Variants in DKK3 observed in about 807,000 individuals in gnomAD.
DKK3 encodes dickkopf Wnt signaling pathway inhibitor 3.
In DKK3, 22 loss-of-function variants were observed where a neutral mutation model predicts 33.2. That is an observed-to-expected ratio of 0.66 (90% CI 0.47 to 0.95). The LOEUF is 0.95. Among genes scored for constraint, DKK3 ranks in the 40% least tolerant of loss-of-function variants. The pLI is 0.00. For synonymous variants in DKK3, 194 were observed against 188.8 expected (o/e 1.03, Z -0.23); for missense variants, 398 against 458.4 (o/e 0.87, Z 1.20).
intron 5 of DKK3, 142 bp from the exon 6 acceptor site, chr11:11,966,107 C>G: frequency 1.9e-6 from 2 of 1,065,816 alleles, no homozygotes; most frequent in Non-Finnish European, 2.6e-6. Context: ...TACGGAATGA[C>G]AGGAAACAAG....
At chr11:11,985,380 G>C (rs571451747) in intron 3 of DKK3, among the ~76,000 whole-genome samples, 1 of 152,208 alleles carries the variant, frequency 6.6e-6, no homozygotes, top group Non-Finnish European at 1.5e-5. Flanking sequence ...GGCAAGCCTG[G>C]GTAAGTCATT....
chr11:11,976,160 A>G (rs1248413632), intron 3 of DKK3, among the ~76,000 whole-genome samples: 1 of 152,174 alleles, frequency 6.6e-6, no homozygotes, highest in Non-Finnish European at 1.5e-5. Context: ...ATTTCTACTG[A>G]AAAGGCCCAG....
At chr11:11,974,780 T>C (rs1847797579) in intron 3 of DKK3, among the ~76,000 whole-genome samples, 1 of 152,146 alleles carries the variant, frequency 6.6e-6, no homozygotes, top group African/African-American at 2.4e-5. Flanking sequence ...GACATGCACC[T>C]GTGATTCCAG....
chr11:11,996,609 G>C (rs1848298740), intron 3 of DKK3, among the ~76,000 whole-genome samples: 1 of 152,162 alleles, frequency 6.6e-6, no homozygotes, highest in Non-Finnish European at 1.5e-5. Context: ...GATGCCCCCG[G>C]TCTCCCTTCT....
In DKK3 at chr11:12,008,591, T is replaced by C; in HGVS notation, c.-9A>G. 7.2e-7 allele frequency: 1 copy of C among 1,397,578 alleles called. No individual in the cohort carries two copies. Among genetic ancestry groups the C allele is most frequent in the Non-Finnish European group, 9.2e-7 (1 of 1,086,286 alleles). The allele number at this position is 1,397,578 out of a possible 1,614,324, so 86.6% of individuals were successfully genotyped here. On this transcript the variant is annotated 5_prime_UTR_variant, in exon 1 of 7. Transcript: ENST00000683431. This position sits in a 1 kb window ranked among gnomAD's most constrained non-coding sequence, Gnocchi z 4.6. ...GCCCCAAGCCGCTGCATCTCCGCTC[T>C]GCGCCCGCAGCCGCCGCCTGTGTGT... is the stretch of plus-strand genomic sequence containing the variant.
Position 11,998,711 on chromosome 11 carries a change from T to G in DKK3, c.420A>C (p.Glu140Asp), listed in dbSNP as rs767416618. Residue 140 changes from glutamate (E) to aspartate (D), a missense_variant, in exon 3 of 7, where the codon GAA becomes GAC. By Grantham distance (45) the Glu-to-Asp change is conservative. Transcript: ENST00000683431. ...GACAACTTACGTGGCTCCTTCTGCCTTCTTCGTCTCCCACAGATGTGATAA... is the reference window on the plus strand; with the variant it reads ...GACAACTTACGTGGCTCCTTCTGCCGTCTTCGTCTCCCACAGATGTGATAA... ...ETVITSVGDE[E>D]GRRSHECIID... 6.2e-7 allele frequency: 1 copy of G among 1,614,164 alleles called. No homozygotes were observed. The highest frequency in any genetic ancestry group is 8.5e-7 in the Non-Finnish European group (1 of 1,180,002).
At chr11:11,999,080 G>A (rs115453844) in intron 2 of DKK3, among the ~76,000 whole-genome samples, 1 of 152,164 alleles carries the variant, frequency 6.6e-6, no homozygotes. Flanking sequence ...GCTCAAAGAT[G>A]TCAGCTGTTT....
intron 3 of DKK3, among the ~76,000 whole-genome samples, chr11:11,976,244 T>C (rs142701103): frequency 1.2e-3 from 177 of 152,212 alleles, no homozygotes; most frequent in African/African-American, 4.0e-3. Flanking sequence ...AGCCCTCTGC[T>C]CTGGAGGGGA....
At chr11:12,004,362 T>C (rs16910329) in intron 1 of DKK3, among the ~76,000 whole-genome samples, 6,695 of 151,474 alleles carry the variant, frequency 0.044, 484 homozygotes, top group African/African-American at 0.15. Context: ...ATATAAAGAG[T>C]AGATCAGAAA....
At chr11:11,977,602 C>T (rs953584924) in intron 3 of DKK3, among the ~76,000 whole-genome samples, 4 of 152,220 alleles carry the variant, frequency 2.6e-5, no homozygotes, top group South Asian at 2.1e-4. Context: ...AACACTTCTC[C>T]GGGGACTTAG....
chr11:11,999,044 G>A (rs556639214), intron 2 of DKK3, among the ~76,000 whole-genome samples: 20 of 152,210 alleles, frequency 1.3e-4, no homozygotes, highest in African/African-American at 3.9e-4. Context: ...AAATCACTCC[G>A]CACAGTGCCC....
intron 3 of DKK3, among the ~76,000 whole-genome samples, chr11:11,996,438 A>C (rs1271572644): frequency 6.6e-6 from 1 of 152,062 alleles, no homozygotes; most frequent in African/African-American, 2.4e-5. Context: ...CACTTCCCTG[A>C]CTCTGGGCAA....
intron 3 of DKK3, among the ~76,000 whole-genome samples, chr11:11,976,712 G>A (rs914538101): frequency 6.6e-6 from 1 of 152,344 alleles, no homozygotes; most frequent in Admixed American, 6.5e-5. Context: ...GGGTCCACAA[G>A]GCTGGCCCTG....
chr11:11,976,777 C>T (rs1344834917), intron 3 of DKK3, among the ~76,000 whole-genome samples: 1 of 152,222 alleles, frequency 6.6e-6, no homozygotes, highest in African/African-American at 2.4e-5. Context: ...CAGCAGGAAG[C>T]TTCCCTTTTA....
chr11:11,995,581 TC>T (rs1235120653), intron 3 of DKK3, among the ~76,000 whole-genome samples: 2 of 152,220 alleles, frequency 1.3e-5, no homozygotes, highest in Non-Finnish European at 2.9e-5. Context: ...ATGTGTGCCA[TC>T]AAAAGGGTGC....
intron 3 of DKK3, among the ~76,000 whole-genome samples, chr11:11,981,503 C>T (rs76693965): frequency 6.6e-6 from 1 of 152,166 alleles, no homozygotes; most frequent in African/African-American, 2.4e-5. Flanking sequence ...GTAACAGATG[C>T]CCAGAACACG....
intron 3 of DKK3, among the ~76,000 whole-genome samples, chr11:11,997,197 G>A (rs979818709): frequency 2.0e-5 from 3 of 152,218 alleles, no homozygotes; most frequent in South Asian, 2.1e-4. Flanking sequence ...CCCAGAGCAC[G>A]GCTGTACCAC....
chr11:11,971,798 T>A (rs149615445), intron 3 of DKK3, among the ~76,000 whole-genome samples: 90 of 152,322 alleles, frequency 5.9e-4, no homozygotes, highest in African/African-American at 2.0e-3. Context: ...ACAAAGCATA[T>A]TCCCTTCAAA....
chr11:12,008,348 C>G lies in DKK3; in HGVS notation c.213+22G>C. On this transcript the variant is annotated intron_variant, in intron 1 of 6. Transcript: ENST00000683431. The surrounding 1 kb of genome is among the most constrained non-coding windows in gnomAD (Gnocchi z 4.6). ...CCCAGTCTGGCGCTTCTCAGAGCCCCGCGCCGCCAGGGCGCACCCACCTCT... is the reference window on the plus strand; with the variant it reads ...CCCAGTCTGGCGCTTCTCAGAGCCCGGCGCCGCCAGGGCGCACCCACCTCT... 3.1e-6 allele frequency: 5 copies of G among 1,595,210 alleles called. No individual in the cohort carries two copies. Among genetic ancestry groups the G allele is most frequent in the Non-Finnish European group, 1.7e-6 (2 of 1,175,482 alleles).
Sources: allele counts gnomAD v4.1 joint callset (sites outside exome capture counted in the v4.1 genomes callset), GRCh38; gene constraint gnomAD v4.1.1; non-coding constraint Gnocchi (gnomAD v3.1); transcripts MANE v1.5; gene names NCBI Gene and HGNC (gene_info 2026-07-23, HGNC 2026-07-21).